ZNF385D: variants seen among roughly 807,000 people sequenced by gnomAD.
ZNF385D encodes zinc finger protein 385D, also known as zinc finger protein 659.
A neutral mutation model predicts 35.8 loss-of-function variants in ZNF385D; 15 were observed. The ratio of observed to expected loss-of-function variants is 0.42; its 90% CI spans 0.28 to 0.64. The LOEUF is 0.64. Among genes scored for constraint, ZNF385D ranks in the 30% least tolerant of loss-of-function variants. The probability of loss-of-function intolerance (pLI) is 0.23; values close to 1 mark genes in which losing one functional copy is unlikely to be tolerated. For missense variants in ZNF385D, 474 were observed against 494.6 expected (o/e 0.96, Z 0.39); for synonymous variants, 212 against 186.8 (o/e 1.13, Z -1.10).
rs185998167 is a variant in ZNF385D, at chr3:22,075,647, G to A, written c.325+93170C>T. Among the ~76,000 whole-genome samples the A allele has an allele frequency of 1.5e-3, 228 of 151,950 alleles. 1 individual carries two copies. Among genetic ancestry groups the A allele is most frequent in the Non-Finnish European group, 2.8e-3 (190 of 67,852 alleles). ...AAGTTTAAAGATCTTGAAGGCTTAT[G>A]CTTGAGTTCTCTTTTCTTTCTTGTA... On this transcript the variant is annotated intron_variant, in intron 3 of 5. Transcript: ENST00000494108.
chr3:21,450,784 T>C (rs1165275258), intron 4 of ZNF385D, among the ~76,000 whole-genome samples: 1 of 152,216 alleles, frequency 6.6e-6, no homozygotes, highest in Admixed American at 6.5e-5. Context: ...TTTCTAGCAC[T>C]GCAATGCCAT....
intron 3 of ZNF385D, chr3:22,134,133 GATC>G (rs1287086911): frequency 6.6e-6 from 1 of 151,946 alleles, no homozygotes; most frequent in Non-Finnish European, 1.5e-5. Flanking sequence ...AACAAAAACA[GATC>G]ATCAGAATGA....
intron 2 of ZNF385D, among the ~76,000 whole-genome samples, chr3:22,368,196 G>T (rs1443422128): frequency 6.6e-6 from 1 of 152,128 alleles, no homozygotes. Flanking sequence ...AAGTAACTAA[G>T]CGATCTAAAG....
At chr3:21,572,504 T>C (rs1291541345) in intron 2 of ZNF385D, among the ~76,000 whole-genome samples, 1 of 152,160 alleles carries the variant, frequency 6.6e-6, no homozygotes, top group Non-Finnish European at 1.5e-5. Context: ...GTGAAGGACA[T>C]AGGAAGAACT....
chr3:21,868,889 T>C (rs887693911), intron 3 of ZNF385D, among the ~76,000 whole-genome samples: 3 of 152,084 alleles, frequency 2.0e-5, no homozygotes, highest in African/African-American at 4.8e-5. Flanking sequence ...TCGAGGCAAA[T>C]TGTGCCTTCC....
intron 1 of ZNF385D, among the ~76,000 whole-genome samples, chr3:21,733,739 T>C (rs183805301): frequency 6.2e-4 from 94 of 152,300 alleles, no homozygotes; most frequent in Non-Finnish European, 1.3e-3. Context: ...TTTGAATCTT[T>C]GTTCAATCTG....
rs142100608 is a variant in ZNF385D at position 21,664,250 on chromosome 3, C to T, written c.165+636G>A. Among the ~76,000 whole-genome samples the T allele has an allele frequency of 9.6e-3, 1,455 of 152,016 alleles. 6 individuals carry two copies. Among genetic ancestry groups the T allele is most frequent in the Non-Finnish European group, 0.016 (1,081 of 67,984 alleles). On this transcript the variant is annotated intron_variant, in intron 2 of 7. Transcript: ENST00000281523. ...ATGCATCTGCCAACTTACAAAAAGA[C>T]GTCTTAAAAGTGAAAACAGAGGCAA...
chr3:21,863,223 A>T (rs1394134147), intron 3 of ZNF385D, among the ~76,000 whole-genome samples: 1 of 152,102 alleles, frequency 6.6e-6, no homozygotes, highest in African/African-American at 2.4e-5. Flanking sequence ...CAATATACTG[A>T]TAGCTTCATT....
At chr3:21,656,215 A>C (rs1182205953) in intron 2 of ZNF385D, among the ~76,000 whole-genome samples, 1 of 152,030 alleles carries the variant, frequency 6.6e-6, no homozygotes, top group Non-Finnish European at 1.5e-5. Flanking sequence ...AAGAAATTCC[A>C]GCAAGTGTGG....
At chr3:22,146,632 T>C (rs1169894222) in intron 3 of ZNF385D, among the ~76,000 whole-genome samples, 1 of 152,172 alleles carries the variant, frequency 6.6e-6, no homozygotes, top group African/African-American at 2.4e-5. Context: ...ATAATAACTT[T>C]TCTCTAATAT....
chr3:22,287,663 T>C (rs1702094665), intron 2 of ZNF385D, among the ~76,000 whole-genome samples: 1 of 152,006 alleles, frequency 6.6e-6, no homozygotes, highest in South Asian at 2.1e-4. Context: ...CCCAGCATTT[T>C]AGGTTTTTGA....
chr3:21,952,402 C>G (rs1702106410), intron 3 of ZNF385D, among the ~76,000 whole-genome samples: 1 of 151,942 alleles, frequency 6.6e-6, no homozygotes, highest in Admixed American at 6.6e-5. Context: ...AGGCATCAAT[C>G]AACATCAACA....
intron 2 of ZNF385D, among the ~76,000 whole-genome samples, chr3:22,366,736 G>A (rs1354047162): frequency 1.3e-5 from 2 of 152,106 alleles, no homozygotes; most frequent in Admixed American, 6.5e-5. Flanking sequence ...TTTGGAAAAA[G>A]GGTTTTTCAT....
intron 3 of ZNF385D, among the ~76,000 whole-genome samples, chr3:22,110,007 C>A (rs941067622): frequency 6.6e-6 from 1 of 152,136 alleles, no homozygotes; most frequent in Non-Finnish European, 1.5e-5. Flanking sequence ...CAAAAGAAGA[C>A]ATTTATGCAG....
At chr3:22,225,742 G>T (rs1349666866) in intron 2 of ZNF385D, among the ~76,000 whole-genome samples, 1 of 152,074 alleles carries the variant, frequency 6.6e-6, no homozygotes, top group Non-Finnish European at 1.5e-5. Context: ...TTGTCACAAG[G>T]TCTTATTCTA....
intron 3 of ZNF385D, among the ~76,000 whole-genome samples, chr3:21,519,310 T>C (rs1244486113): frequency 6.6e-6 from 1 of 152,188 alleles, no homozygotes; most frequent in Non-Finnish European, 1.5e-5. Context: ...AGTACTTACA[T>C]GGCTGTGAAA....
chr3:21,981,595 T>C (rs1274619758), intron 3 of ZNF385D, among the ~76,000 whole-genome samples: 2 of 152,328 alleles, frequency 1.3e-5, no homozygotes, highest in East Asian at 3.9e-4. Context: ...CTTTTGCTTT[T>C]GTTGCAATTG....
At chr3:22,250,270 T>C (rs1290038989) in intron 2 of ZNF385D, among the ~76,000 whole-genome samples, 1 of 152,166 alleles carries the variant, frequency 6.6e-6, no homozygotes, top group Non-Finnish European at 1.5e-5. Flanking sequence ...TCTATCTTTT[T>C]AAATATGCAA....
intron 3 of ZNF385D, among the ~76,000 whole-genome samples, chr3:21,772,642 G>T (rs890499925): frequency 2.2e-4 from 33 of 151,920 alleles, no homozygotes; most frequent in South Asian, 2.1e-4. Context: ...TGTGGAAAAC[G>T]GTATGGTGAT....
Sources: gnomAD v4.1 joint callset for allele counts (sites outside exome capture counted in the v4.1 genomes callset) on GRCh38, gnomAD v4.1.1 for gene constraint, MANE v1.5 for transcripts, NCBI Gene and HGNC (gene_info 2026-07-23, HGNC 2026-07-21) for gene names.